Variants in GALNT15 observed in about 807,000 individuals in gnomAD.
GALNT15 encodes polypeptide N-acetylgalactosaminyltransferase 15, also known as UDP-GalNAc transferase T15.
Under a neutral mutation model 66.8 loss-of-function variants are expected in GALNT15, and 67 were observed. The observed-to-expected ratio is 1.00, with a 90% CI of 0.82 to 1.23. The LOEUF is 1.23. Among genes scored for constraint, GALNT15 ranks in the 50% most tolerant of loss-of-function variants. The pLI is 0.00. For synonymous variants in GALNT15, 313 were observed against 311.5 expected, an observed-to-expected ratio of 1.00 and a Z score of -0.05; for missense variants, 827 against 804.3, an observed-to-expected ratio of 1.03 and a Z score of -0.34.
At chr3:16,214,952 A>G (rs2063856452) in intron 6 of GALNT15, among the ~76,000 whole-genome samples, 1 of 151,978 alleles carries the variant, frequency 6.6e-6, no homozygotes, top group South Asian at 2.1e-4. Flanking sequence ...CAAACCATCT[A>G]TTTTTCTCTC....
intron 6 of GALNT15, among the ~76,000 whole-genome samples, chr3:16,216,827 G>T (rs1175838031): frequency 6.6e-6 from 1 of 152,192 alleles, no homozygotes; most frequent in Non-Finnish European, 1.5e-5. Flanking sequence ...CCACCATTTT[G>T]CCTCTTAGTG....
downstream of GALNT15, among the ~76,000 whole-genome samples, chr3:16,230,615 C>T (rs1325929018): frequency 2.0e-5 from 3 of 151,990 alleles, no homozygotes; most frequent in Non-Finnish European, 4.4e-5. This position sits in a 1 kb window ranked among gnomAD's most constrained non-coding sequence, Gnocchi z 4.5. Flanking sequence ...GGATAGTGTA[C>T]ATAATATGTA....
chr3:16,201,148 G>A (rs1460340389), intron 3 of GALNT15, among the ~76,000 whole-genome samples: 1 of 151,660 alleles, frequency 6.6e-6, no homozygotes, highest in Non-Finnish European at 1.5e-5. Context: ...TGCCTTTGGT[G>A]AAAATTTGGC....
intron 6 of GALNT15, among the ~76,000 whole-genome samples, chr3:16,213,813 CAGGG>C (rs1392651719): frequency 6.6e-6 from 1 of 152,220 alleles, no homozygotes; most frequent in Non-Finnish European, 1.5e-5. Flanking sequence ...GCCAGCCTGA[CAGGG>C]AAGCCCCATA....
At chr3:16,231,808 A>G, downstream of GALNT15, 1 of 1,536,230 alleles carries the variant, frequency 6.5e-7, no homozygotes, top group South Asian at 1.2e-5. This position sits in a 1 kb window ranked among gnomAD's most constrained non-coding sequence, Gnocchi z 4.1. Context: ...GAACAGGGCC[A>G]ACTCTGCTGC....
rs2064040356 is a variant in GALNT15, at chr3:16,227,901, CTGTT to C, written c.*404_*407del. Reference sequence around the variant, plus strand: ...TTCAAATGGCCTTAACTTGGATTGTCTGTTTGGCCAACCATGAAAATTAAAGAGT... The same window carrying C: ...TTCAAATGGCCTTAACTTGGATTGTCTGGCCAACCATGAAAATTAAAGAGT... On this transcript the variant is annotated 3_prime_UTR_variant, in exon 10 of 10. Coordinates refer to ENST00000339732, the MANE Select transcript of GALNT15 (RefSeq NM_054110.5). The surrounding 1 kb of genome is among the most constrained non-coding windows in gnomAD (Gnocchi z 4.5). 2.0e-6 allele frequency: 2 copies of C among 1,005,614 alleles called. No homozygotes were observed. Among genetic ancestry groups the C allele is most frequent in the African/African-American group, 1.7e-5 (1 of 57,464 alleles). The allele number at this position is 1,005,614 out of a possible 1,614,324, so 62.3% of individuals were successfully genotyped here.
Position 16,227,632 on chromosome 3 carries a change from CTATGAAAGAA to C in GALNT15, c.*136_*145del, listed in dbSNP as rs1327673895. The C allele has an allele frequency of 2.6e-6, 4 of 1,512,916 alleles. No homozygotes were observed. The highest frequency in any genetic ancestry group is 3.5e-6 in the Non-Finnish European group (4 of 1,140,624). 93.7% of individuals were successfully genotyped at this position (1,512,916 alleles called of 1,614,324 possible). On this transcript the variant is annotated 3_prime_UTR_variant, in exon 10 of 10. Transcript: ENST00000339732. The surrounding 1 kb of genome is among the most constrained non-coding windows in gnomAD (Gnocchi z 4.5). ...CCTGGTGTTAGGAGAGAAAAAAGCTCTATGAAAGAATATAGGAAGTTTCTCCTTTTCACAC... is the reference window on the plus strand; with the variant it reads ...CCTGGTGTTAGGAGAGAAAAAAGCTCTATAGGAAGTTTCTCCTTTTCACAC...
intron 3 of GALNT15, among the ~76,000 whole-genome samples, chr3:16,205,227 A>G (rs1485546051): frequency 6.6e-6 from 1 of 152,266 alleles, no homozygotes; most frequent in Admixed American, 6.5e-5. Flanking sequence ...ACAAACACCA[A>G]GAATACGCAT....
At chr3:16,212,525 T>A (rs750014608) in intron 5 of GALNT15, 44 bp from the exon 6 acceptor site, 1 of 1,570,214 alleles carries the variant, frequency 6.4e-7, no homozygotes, top group African/African-American at 1.4e-5. Context: ...CCGCCGTTCT[T>A]AAAGGTGGAA....
intron 9 of GALNT15, among the ~76,000 whole-genome samples, chr3:16,226,619 A>G (rs11922713): frequency 0.026 from 3,556 of 135,108 alleles, 129 homozygotes; most frequent in African/African-American, 0.087. Context: ...GCAAGGGGGA[A>G]GTCTGCCCCA....
chr3:16,231,793 G>T (rs1422566923), downstream of GALNT15: 5 of 1,535,492 alleles, frequency 3.3e-6, no homozygotes, highest in Admixed American at 9.8e-5. The surrounding 1 kb of genome is among the most constrained non-coding windows in gnomAD (Gnocchi z 4.1). Context: ...TCTCTCTCAG[G>T]ATGAGAACAG....
chr3:16,192,917 A>G (rs2063594771), intron 1 of GALNT15, among the ~76,000 whole-genome samples: 1 of 152,222 alleles, frequency 6.6e-6, no homozygotes, highest in African/African-American at 2.4e-5. Flanking sequence ...TATCTTTCAA[A>G]TAAGTGTTAG....
At chr3:16,177,048 T>A (rs1394305994) in intron 1 of GALNT15, among the ~76,000 whole-genome samples, 1 of 152,110 alleles carries the variant, frequency 6.6e-6, no homozygotes, top group Non-Finnish European at 1.5e-5. Flanking sequence ...CACCCTGGAG[T>A]TTTAACTCAC....
intron 3 of GALNT15, among the ~76,000 whole-genome samples, chr3:16,202,967 A>T (rs2063718385): frequency 6.6e-6 from 1 of 152,234 alleles, no homozygotes; most frequent in South Asian, 2.1e-4. Context: ...AGTAATTAAC[A>T]TCATTAAACT....
Position 16,203,098 on chromosome 3 carries a change from G to C in GALNT15, c.911+2275G>C, listed in dbSNP as rs2063719515. On this transcript the variant is annotated intron_variant, in intron 3 of 9. Transcript: ENST00000339732. This position sits in a 1 kb window ranked among gnomAD's most constrained non-coding sequence, Gnocchi z 6.2. ...GGGGGAGAAATTGAGGCTCAGAGAGGTGACATGATATGTAAGGGCAGATAA... is the reference window on the plus strand; with the variant it reads ...GGGGGAGAAATTGAGGCTCAGAGAGCTGACATGATATGTAAGGGCAGATAA... Among the ~76,000 whole-genome samples, 1 of 152,200 alleles carries C rather than the reference G, an allele frequency of 6.6e-6. No individual in the cohort carries two copies. The highest frequency in any genetic ancestry group is 1.5e-5 in the Non-Finnish European group (1 of 68,032).
At chr3:16,206,632 C>T (rs2063760165) in intron 3 of GALNT15, among the ~76,000 whole-genome samples, 1 of 141,880 alleles carries the variant, frequency 7.0e-6, no homozygotes, top group South Asian at 2.2e-4. Context: ...GAGATCACGC[C>T]ACTGCCCTCC....
At chr3:16,234,117 T>C (rs1318363539), downstream of GALNT15, among the ~76,000 whole-genome samples, 3 of 152,246 alleles carry the variant, frequency 2.0e-5, no homozygotes, top group East Asian at 5.8e-4. Context: ...AGCCCAAGAT[T>C]TGATTGTCTT....
At chr3:16,231,690 G>A (rs771074106), downstream of GALNT15, 4 of 865,122 alleles carry the variant, frequency 4.6e-6, no homozygotes, top group Non-Finnish European at 7.3e-6. The surrounding 1 kb of genome is among the most constrained non-coding windows in gnomAD (Gnocchi z 4.1). Context: ...TTCCCAAACT[G>A]TTCAGCTAGC....
Position 16,204,892 on chromosome 3 carries a change from T to C in GALNT15, c.912-3611T>C, listed in dbSNP as rs1305889835. Among the ~76,000 whole-genome samples the C allele has an allele frequency of 6.6e-6, 1 of 152,072 alleles. No individual in the cohort carries two copies. The highest frequency in any genetic ancestry group is 1.5e-5 in the Non-Finnish European group (1 of 68,006). On this transcript the variant is annotated intron_variant, in intron 3 of 9. Coordinates refer to ENST00000339732, the MANE Select transcript of GALNT15 (RefSeq NM_054110.5). This position sits in a 1 kb window ranked among gnomAD's most constrained non-coding sequence, Gnocchi z 4.5. The stretch of plus-strand genomic sequence containing the variant: ...AACCCCTTGTGCTTGTGCATGTGAG[T>C]CAGTGTGTGTGTGTAAGCATGTGAG...
Sources: allele counts gnomAD v4.1 joint callset (sites outside exome capture counted in the v4.1 genomes callset), GRCh38; gene constraint gnomAD v4.1.1; non-coding constraint Gnocchi (gnomAD v3.1); transcripts MANE v1.5; gene names NCBI Gene and HGNC (gene_info 2026-07-23, HGNC 2026-07-21).